Variants in SYCE2 observed in about 807,000 individuals in gnomAD.
SYCE2 encodes central element synaptonemal complex 1.
In SYCE2, 3 loss-of-function variants were observed where a neutral mutation model predicts 27.9. That is an observed-to-expected ratio of 0.11 (90% CI 0.05 to 0.28). The LOEUF (loss-of-function observed/expected upper bound fraction) is 0.28, where lower values mean the gene tolerates loss of function less well. SYCE2 is among the 10% of genes least tolerant of loss of function. The pLI is 1.00. For synonymous variants in SYCE2, 85 were observed against 100.7 expected, an observed-to-expected ratio of 0.84 and a Z score of 0.93; for missense variants, 207 against 263.5, an observed-to-expected ratio of 0.79 and a Z score of 1.48.
In SYCE2 at chr19:12,900,460, C is replaced by G; in HGVS notation, c.495G>C (p.Glu165Asp). The change falls in exon 4 of 6, where the codon GAG becomes GAC. Residue 165 changes from glutamate (E) to aspartate (D), a missense_variant and splice_region_variant. By Grantham distance (45) the Glu-to-Asp change is conservative. Coordinates refer to ENST00000293695, the MANE Select transcript of SYCE2 (RefSeq NM_001105578.2). ...GCCCCCCCTGTGAGTTTACTCATAC[C>G]TCAGGCTGGAGACACAGGTCTTTGT... ...TVYKDLCLQPEQSLRLRWGPD... is the reference protein window; with the variant it reads ...TVYKDLCLQPDQSLRLRWGPD... The G allele has an allele frequency of 6.2e-7, 1 of 1,613,022 alleles. No homozygotes were observed. Among genetic ancestry groups the G allele is most frequent in the Non-Finnish European group, 8.5e-7 (1 of 1,179,654 alleles).
At chr19:12,913,069 GGACC>G (rs1326402383) in intron 2 of SYCE2, among the ~76,000 whole-genome samples, 1 of 152,204 alleles carries the variant, frequency 6.6e-6, no homozygotes, top group Non-Finnish European at 1.5e-5. Flanking sequence ...GCCGAACCCT[GGACC>G]GAGGCCAGAG....
intron 3 of SYCE2, 42 bp downstream of exon 3, chr19:12,904,450 T>C (rs369481080): frequency 6.2e-7 from 1 of 1,611,514 alleles, no homozygotes; most frequent in Non-Finnish European, 8.5e-7. Context: ...CCCTCCCCTT[T>C]TGCATAAGGA....
chr19:12,900,433 G>A, intron 4 of SYCE2, 27 bp downstream of exon 4: 2 of 1,605,902 alleles, frequency 1.2e-6, no homozygotes, highest in Non-Finnish European at 1.7e-6. Flanking sequence ...TCCTCAGGCA[G>A]CGCCCCCCCT....
rs1261848061 is a variant in SYCE2, at chr19:12,918,244, C to T, written c.109G>A (p.Glu37Lys). The change falls in exon 2 of 6, where the codon GAA (glutamate) becomes AAA (lysine). Residue 37 changes from glutamate (E) to lysine (K), a missense_variant. By Grantham distance (56) the Glu-to-Lys change is moderately conservative. Transcript: ENST00000293695. ...HPRWEENCEE[E>K]AGGGPASASC... ...CACCTAGCTGGCCCTCCACCAGCTT[C>T]CTCCTCGCAGTTCTCTTCCCACCGC... The T allele has an allele frequency of 1.9e-6, 3 of 1,614,094 alleles. No individual in the cohort carries two copies. The highest frequency in any genetic ancestry group is 2.7e-5 in the African/African-American group (2 of 74,928).
Position 12,900,122 on chromosome 19 carries a change from T to C in SYCE2, c.496-2A>G, listed in dbSNP as rs1241414718. The C allele has an allele frequency of 6.2e-7, 1 of 1,600,214 alleles. No individual in the cohort carries two copies. The highest frequency in any genetic ancestry group is 1.4e-5 in the African/African-American group (1 of 73,790). ...CCCCCATCTGAGTCTTAGGCTCTGC[T>C]GTAAAAAAGAAACCCAGGTTAGCAG... is the stretch of plus-strand genomic sequence containing the variant. On this transcript the variant is annotated splice_acceptor_variant, in intron 4 of 5. Transcript: ENST00000293695. LOFTEE classifies it high-confidence loss of function.
In SYCE2 at chr19:12,918,331, C is replaced by G. The variant is rs767495412; in HGVS notation, c.22G>C (p.Val8Leu). ...TGGTCTTTGCATTTCACATGGGGCA[C>G]GTCCACCTGCAAGCACAGTCAGGAC... MERQGVDVPHVKCKDQEP... is the reference protein window; with the variant it reads MERQGVDLPHVKCKDQEP... Residue 8 changes from valine (V) to leucine (L), a missense_variant, in exon 2 of 6, where the codon GTG (valine) becomes CTG (leucine). Physicochemically the swap from Val to Leu is conservative, Grantham distance 32. Transcript: ENST00000293695. 5 of 1,613,936 alleles carry G rather than the reference C, an allele frequency of 3.1e-6. No individual in the cohort carries two copies. The African/African-American group carries it at 5.3e-5, about 17-fold the overall frequency.
Position 12,904,481 on chromosome 19 carries a change from G to C in SYCE2, c.306+11C>G. 6.2e-7 allele frequency: 1 copy of C among 1,613,992 alleles called. No homozygotes were observed. Among genetic ancestry groups the C allele is most frequent in the Non-Finnish European group, 8.5e-7 (1 of 1,179,910 alleles). On this transcript the variant is annotated intron_variant, in intron 3 of 5. Coordinates refer to ENST00000293695, the MANE Select transcript of SYCE2 (RefSeq NM_001105578.2). Reference sequence around the variant, plus strand: ...AAGGAATCCCCCCTCTCGCTGGGTGGAGTCTGTCACCTTGGTCTTCAGGCT... The same window carrying C: ...AAGGAATCCCCCCTCTCGCTGGGTGCAGTCTGTCACCTTGGTCTTCAGGCT...
At chr19:12,910,247 T>C (rs1971018318) in intron 2 of SYCE2, among the ~76,000 whole-genome samples, 1 of 152,186 alleles carries the variant, frequency 6.6e-6, no homozygotes, top group African/African-American at 2.4e-5. Flanking sequence ...GGACCTTTAT[T>C]TTATTTACTT....
chr19:12,907,948 C>CA (rs1245210472), intron 2 of SYCE2, among the ~76,000 whole-genome samples: 6 of 152,086 alleles, frequency 3.9e-5, no homozygotes, highest in African/African-American at 9.7e-5. Flanking sequence ...CCCATCTCTA[C>CA]AAAAAACACA....
chr19:12,910,917 T>A (rs926622745), intron 2 of SYCE2, among the ~76,000 whole-genome samples: 1 of 151,908 alleles, frequency 6.6e-6, no homozygotes, highest in African/African-American at 2.4e-5. Flanking sequence ...GACCTCATGA[T>A]CCGCCCGTCT....
intron 2 of SYCE2, among the ~76,000 whole-genome samples, chr19:12,904,999 G>A (rs1277855463): frequency 4.0e-5 from 6 of 148,780 alleles, no homozygotes; most frequent in African/African-American, 1.3e-4. Flanking sequence ...GCGAGACTCC[G>A]TCTAAAAAAA....
intron 2 of SYCE2, among the ~76,000 whole-genome samples, chr19:12,917,993 C>G (rs2145985286): frequency 6.6e-6 from 1 of 152,166 alleles, no homozygotes; most frequent in South Asian, 2.1e-4. Flanking sequence ...ACATTCTGGC[C>G]CGCCTCTAGT....
Position 12,899,202 on chromosome 19 carries a change from AAGG to A in SYCE2, c.*136_*138del. On this transcript the variant is annotated 3_prime_UTR_variant, in exon 6 of 6. Transcript: ENST00000293695. The stretch of plus-strand genomic sequence containing the variant: ...TTGCTACATTTTGGGAGTTCAGCAC[AAGG>A]AGCTTTGGGTTTTTGTTTTTTTCTG... 2 of 767,806 alleles carry A rather than the reference AAGG, an allele frequency of 2.6e-6. No homozygotes were observed. Among genetic ancestry groups the A allele is most frequent in the Non-Finnish European group, 2.2e-6 (1 of 461,912 alleles). 47.6% of individuals were successfully genotyped at this position (767,806 alleles called of 1,614,324 possible).
intron 2 of SYCE2, among the ~76,000 whole-genome samples, chr19:12,909,730 C>T (rs887679487): frequency 6.6e-6 from 1 of 151,604 alleles, no homozygotes; most frequent in Non-Finnish European, 1.5e-5. Flanking sequence ...CCACACTTGG[C>T]GAATTTTGTA....
chr19:12,900,772 G>A (rs935300962), intron 3 of SYCE2, 124 bp from the exon 4 acceptor site: 16 of 945,688 alleles, frequency 1.7e-5, no homozygotes, highest in Middle Eastern at 3.3e-4. Context: ...GGCTGGGCAC[G>A]GTGGCTCATG....
At chr19:12,914,646 G>A (rs1971106303) in intron 2 of SYCE2, among the ~76,000 whole-genome samples, 1 of 150,690 alleles carries the variant, frequency 6.6e-6, no homozygotes, top group Non-Finnish European at 1.5e-5. Flanking sequence ...TTTTGTTCTT[G>A]TTGCCTAGGC....
intron 5 of SYCE2, chr19:12,899,617 C>T (rs1034254497): frequency 2.5e-6 from 4 of 1,613,068 alleles, no homozygotes; most frequent in Middle Eastern, 1.7e-4. Flanking sequence ...GAGCGCTGTG[C>T]TCTGAGCTTA....
intron 3 of SYCE2, among the ~76,000 whole-genome samples, chr19:12,902,205 G>A (rs1970853200): frequency 6.6e-6 from 1 of 152,082 alleles, no homozygotes; most frequent in Non-Finnish European, 1.5e-5. Context: ...CTAGGTTTGT[G>A]TAAATTCAAT....
At chr19:12,919,193 C>CCTAT (rs1971197122) in intron 1 of SYCE2, 50 bp downstream of exon 1, 1 of 1,605,938 alleles carries the variant, frequency 6.2e-7, no homozygotes, top group South Asian at 1.1e-5. Flanking sequence ...CCGTTCCCTG[C>CCTAT]CTATCTGTCC....
Sources: gnomAD v4.1 joint callset for allele counts (sites outside exome capture counted in the v4.1 genomes callset) on GRCh38, gnomAD v4.1.1 for gene constraint, MANE v1.5 for transcripts, NCBI Gene and HGNC (gene_info 2026-07-23, HGNC 2026-07-21) for gene names.